Variants in STK4 observed in about 807,000 individuals in gnomAD.
The protein encoded by STK4 is serine/threonine-protein kinase 4.
STK4 carries 30 observed loss-of-function variants against 64.9 expected under a neutral mutation model. The observed-to-expected ratio is 0.46, with a 90% CI of 0.35 to 0.63. The LOEUF (loss-of-function observed/expected upper bound fraction) is 0.63, where lower values mean the gene tolerates loss of function less well. Among genes scored for constraint, STK4 ranks in the 20% least tolerant of loss-of-function variants. The pLI, the probability that STK4 is intolerant of heterozygous loss-of-function variation, is 0.01. For missense variants in STK4, 466 were observed against 598.5 expected, an observed-to-expected ratio of 0.78 and a Z score of 2.31; for synonymous variants, 177 against 199.0, an observed-to-expected ratio of 0.89 and a Z score of 0.93.
intron 10 of STK4, among the ~76,000 whole-genome samples, chr20:45,049,718 C>T (rs998719320): frequency 1.3e-5 from 2 of 152,074 alleles, no homozygotes; most frequent in Non-Finnish European, 2.9e-5. Flanking sequence ...TCCTGGTATT[C>T]GGTTAATGGA....
intron 10 of STK4, among the ~76,000 whole-genome samples, chr20:45,038,312 C>T (rs1004462766): frequency 2.0e-4 from 24 of 119,132 alleles, no homozygotes; most frequent in African/African-American, 8.1e-4. Context: ...ATATTATTGA[C>T]CTTTTAAAAA....
At chr20:45,007,674 A>G (rs2067972970) in intron 9 of STK4, 1 of 290,690 alleles carries the variant, frequency 3.4e-6, no homozygotes, top group Admixed American at 4.1e-5. Context: ...AAAACTCATC[A>G]TAGTTATGGT....
At chr20:45,017,889 C>T (rs1009752253) in intron 9 of STK4, among the ~76,000 whole-genome samples, 9 of 152,156 alleles carry the variant, frequency 5.9e-5, no homozygotes, top group African/African-American at 2.2e-4. Context: ...CATATAGAGG[C>T]AGTTACTGAA....
Position 45,074,999 on chromosome 20 carries a change from C to T in STK4, c.1306-19C>T, listed in dbSNP as rs763829816. On this transcript the variant is annotated intron_variant, in intron 10 of 10. Coordinates refer to ENST00000372806, the MANE Select transcript of STK4 (RefSeq NM_006282.5). ...TGACTTAAGCTTTGTCGTGACTATA[C>T]CTTCCACTTCTCTTCTAGCTTAAGA... 5.0e-6 allele frequency: 8 copies of T among 1,613,850 alleles called. No homozygotes were observed. Among genetic ancestry groups the T allele is most frequent in the Non-Finnish European group, 6.8e-6 (8 of 1,179,924 alleles).
chr20:44,995,421 C>A (rs1003007355), intron 6 of STK4, among the ~76,000 whole-genome samples, 164 bp downstream of exon 6: 1 of 151,992 alleles, frequency 6.6e-6, no homozygotes, highest in East Asian at 1.9e-4. Context: ...ACCTGGCCAA[C>A]ATGGTGAAAC....
chr20:44,985,016 G>A (rs182337353), intron 4 of STK4, among the ~76,000 whole-genome samples: 1 of 152,164 alleles, frequency 6.6e-6, no homozygotes, highest in Non-Finnish European at 1.5e-5. Flanking sequence ...TTTCTATTAG[G>A]CAGTGCTACT....
chr20:44,997,941 A>G (rs1186554383), intron 7 of STK4, among the ~76,000 whole-genome samples: 2 of 152,210 alleles, frequency 1.3e-5, no homozygotes, highest in Admixed American at 1.3e-4. Flanking sequence ...AGTTTTATAG[A>G]TAAAAAATGG....
chr20:45,013,190 T>G (rs1422999086), intron 9 of STK4, among the ~76,000 whole-genome samples: 2 of 152,024 alleles, frequency 1.3e-5, no homozygotes, highest in African/African-American at 4.8e-5. Flanking sequence ...TTAAAGAAAA[T>G]TCTTGGGATT....
intron 10 of STK4, among the ~76,000 whole-genome samples, chr20:45,067,536 C>G (rs1373195155): frequency 1.3e-5 from 2 of 152,094 alleles, no homozygotes; most frequent in Admixed American, 1.3e-4. Flanking sequence ...TGGGCCAGAC[C>G]CATTTGTGTT....
At chr20:45,034,027 A>G (rs1478445422) in intron 10 of STK4, among the ~76,000 whole-genome samples, 2 of 152,118 alleles carry the variant, frequency 1.3e-5, no homozygotes, top group African/African-American at 4.8e-5. Context: ...CTTTAAAGAT[A>G]AAATAAAATA....
chr20:45,007,534 G>T (rs1469492056), intron 9 of STK4, among the ~76,000 whole-genome samples: 1 of 150,264 alleles, frequency 6.7e-6, no homozygotes, highest in East Asian at 1.9e-4. Context: ...GTGACAGAGC[G>T]AGACTCCATC....
intron 10 of STK4, among the ~76,000 whole-genome samples, chr20:45,026,083 T>A: frequency 6.6e-6 from 1 of 151,102 alleles, no homozygotes; most frequent in Non-Finnish European, 1.5e-5. Flanking sequence ...GAACCCAGGC[T>A]ATTTGTTTTA....
At chr20:45,016,748 T>C (rs904786408) in intron 9 of STK4, among the ~76,000 whole-genome samples, 1 of 152,172 alleles carries the variant, frequency 6.6e-6, no homozygotes, top group Non-Finnish European at 1.5e-5. Context: ...AGTATAGTTA[T>C]ATTGGTAAAA....
chr20:45,030,813 AT>A (rs1252638631), intron 10 of STK4, among the ~76,000 whole-genome samples: 2 of 152,138 alleles, frequency 1.3e-5, no homozygotes, highest in African/African-American at 4.8e-5. Flanking sequence ...AGACCTTCCC[AT>A]TTTGCCATTC....
intron 10 of STK4, among the ~76,000 whole-genome samples, chr20:45,044,654 C>CA (rs1410830956): frequency 2.1e-4 from 31 of 151,036 alleles, no homozygotes; most frequent in African/African-American, 6.8e-4. Context: ...GATCGTGTCT[C>CA]AAAAAAAAGA....
rs3044396 is a variant in STK4 at position 45,058,053 on chromosome 20, TCACACACACA to T, written c.1306-16939_1306-16930del. Among the ~76,000 whole-genome samples, 864 of 148,104 alleles carry T rather than the reference TCACACACACA, an allele frequency of 5.8e-3. 6 individuals carry two copies. The highest frequency in any genetic ancestry group is 7.8e-3 in the Non-Finnish European group (522 of 66,960). On this transcript the variant is annotated intron_variant, in intron 10 of 10. Transcript: ENST00000372806. ...AAACTTATATTTAGCAGTTTGAAGG[TCACACACACA>T]CACACACACACACACACACACACAC...
At chr20:45,004,394 G>C (rs1240618633) in intron 9 of STK4, 1 of 151,822 alleles carries the variant, frequency 6.6e-6, no homozygotes, top group Non-Finnish European at 1.5e-5. Flanking sequence ...ACTGCGCCCG[G>C]CCACAACCAA....
chr20:44,996,580 C>CT (rs1164441934), intron 6 of STK4, among the ~76,000 whole-genome samples: 2 of 152,092 alleles, frequency 1.3e-5, no homozygotes, highest in Non-Finnish European at 2.9e-5. Flanking sequence ...AAAAACATGG[C>CT]TTTTTTAAAA....
chr20:45,074,282 T>C (rs991503479), intron 10 of STK4, among the ~76,000 whole-genome samples: 2 of 152,212 alleles, frequency 1.3e-5, no homozygotes, highest in Non-Finnish European at 2.9e-5. Flanking sequence ...GTCTGGTGCA[T>C]AGAAAACACT....
Sources: gnomAD v4.1 joint callset for allele counts (sites outside exome capture counted in the v4.1 genomes callset) on GRCh38, gnomAD v4.1.1 for gene constraint, MANE v1.5 for transcripts, NCBI Gene and HGNC (gene_info 2026-07-23, HGNC 2026-07-21) for gene names.